Variants in CAMTA1 observed in about 807,000 individuals in gnomAD.
CAMTA1 encodes calmodulin-binding transcription activator 1.
Under a neutral mutation model 170.9 loss-of-function variants are expected in CAMTA1, and 27 were observed. That is an observed-to-expected ratio of 0.16 (90% CI 0.12 to 0.22). The LOEUF is 0.22. Ranked by LOEUF, CAMTA1 falls within the 10% of genes least tolerant of loss-of-function variation. The probability of loss-of-function intolerance (pLI) is 1.00; values close to 1 mark genes in which losing one functional copy is unlikely to be tolerated. For missense variants in CAMTA1, 1,619 were observed against 2,217.2 expected (o/e 0.73, Z 5.42); for synonymous variants, 833 against 891.5 (o/e 0.93, Z 1.17).
chr1:7,759,979 G>A (rs1028827251), intron 22 of CAMTA1, among the ~76,000 whole-genome samples: 6 of 152,264 alleles, frequency 3.9e-5, no homozygotes, highest in Middle Eastern at 3.4e-3. Context: ...TTCCCGATAC[G>A]AGACACTATT....
chr1:7,043,152 T>C (rs1704743233), intron 3 of CAMTA1, among the ~76,000 whole-genome samples: 1 of 152,214 alleles, frequency 6.6e-6, no homozygotes, highest in African/African-American at 2.4e-5. Flanking sequence ...CCAAGGCCGC[T>C]GGCACAGGCC....
chr1:6,788,660 T>C (rs1157653737), intron 1 of CAMTA1, among the ~76,000 whole-genome samples: 1 of 152,084 alleles, frequency 6.6e-6, no homozygotes, highest in Non-Finnish European at 1.5e-5. Flanking sequence ...TCATCCCGTT[T>C]CCAGTGGTGG....
intron 4 of CAMTA1, among the ~76,000 whole-genome samples, chr1:7,197,628 C>CCACA (rs3222484): frequency 0.05 from 5,488 of 109,746 alleles, 200 homozygotes; most frequent in East Asian, 0.18. Flanking sequence ...TTGTCCCCCA[C>CCACA]CACACACACA....
At chr1:6,998,453 C>T (rs368773031) in intron 3 of CAMTA1, among the ~76,000 whole-genome samples, 12 of 152,300 alleles carry the variant, frequency 7.9e-5, no homozygotes, top group Middle Eastern at 3.4e-3. Context: ...ACTCCCTCTG[C>T]GTCACATGTC....
Position 7,532,394 on chromosome 1 carries a change from C to T in CAMTA1, c.510+64493C>T, listed in dbSNP as rs186959799. Reference sequence around the variant, plus strand: ...ACAGCACACCGCAGCCTCCTGGGCTCAAGTGATCCTCCCACCTCAGCCTCC... The same window carrying T: ...ACAGCACACCGCAGCCTCCTGGGCTTAAGTGATCCTCCCACCTCAGCCTCC... On this transcript the variant is annotated intron_variant, in intron 6 of 22. Transcript: ENST00000303635. This position sits in a 1 kb window ranked among gnomAD's most constrained non-coding sequence, Gnocchi z 4.2. 6.1e-4 allele frequency among the ~76,000 whole-genome samples: 93 copies of T among 152,248 alleles called. No homozygotes were observed. Among genetic ancestry groups the T allele is most frequent in the Non-Finnish European group, 1.1e-3 (76 of 68,016 alleles).
At chr1:7,429,547 A>T (rs1238771258) in intron 5 of CAMTA1, among the ~76,000 whole-genome samples, 1 of 147,680 alleles carries the variant, frequency 6.8e-6, no homozygotes, top group Non-Finnish European at 1.5e-5. Context: ...GGTGATGATG[A>T]TGACAGTGAT....
intron 6 of CAMTA1, among the ~76,000 whole-genome samples, chr1:7,525,046 C>G (rs1011149896): frequency 1.3e-4 from 20 of 152,190 alleles, no homozygotes; most frequent in African/African-American, 4.8e-4. Context: ...TTGAGAAATG[C>G]AGTCTAACAC....
chr1:6,950,334 T>C (rs2149471959), intron 3 of CAMTA1, among the ~76,000 whole-genome samples: 1 of 152,272 alleles, frequency 6.6e-6, no homozygotes, highest in African/African-American at 2.4e-5. Context: ...GTGTGTGCTT[T>C]TGTTATATTT....
rs1369779757 is a variant in CAMTA1 at position 7,299,524 on chromosome 1, G to A, written c.438+49898G>A. On this transcript the variant is annotated intron_variant, in intron 5 of 22. Coordinates refer to ENST00000303635, the MANE Select transcript of CAMTA1 (RefSeq NM_015215.4). This position sits in a 1 kb window ranked among gnomAD's most constrained non-coding sequence, Gnocchi z 4.7. ...TCCTGCTGCTGCATGACTCAGACTC[G>A]GAGAGCTTCCAACCTCGCAATGAGC... Among the ~76,000 whole-genome samples, 1 of 152,192 alleles carries A rather than the reference G, an allele frequency of 6.6e-6. No individual in the cohort carries two copies. The highest frequency in any genetic ancestry group is 6.5e-5 in the Admixed American group (1 of 15,280).
intron 3 of CAMTA1, among the ~76,000 whole-genome samples, chr1:6,853,575 A>T (rs1661201270): frequency 6.6e-6 from 1 of 152,208 alleles, no homozygotes; most frequent in African/African-American, 2.4e-5. Context: ...TGTTAGATTT[A>T]AACTTAGTCT....
chr1:7,127,630 C>G (rs1195933418), intron 4 of CAMTA1, among the ~76,000 whole-genome samples: 1 of 152,156 alleles, frequency 6.6e-6, no homozygotes, highest in Non-Finnish European at 1.5e-5. Context: ...AAACTGACTC[C>G]GTGCCAAGCA....
intron 4 of CAMTA1, among the ~76,000 whole-genome samples, chr1:7,221,081 T>A (rs1178181250): frequency 2.0e-5 from 3 of 152,096 alleles, no homozygotes. Context: ...CCAGCACAGA[T>A]GAATGGCCCG....
chr1:7,615,132 C>T (rs6658290), intron 6 of CAMTA1, among the ~76,000 whole-genome samples: 2,961 of 152,366 alleles, frequency 0.019, 86 homozygotes, highest in Admixed American at 0.07. Flanking sequence ...CCTGGCCATG[C>T]ATCAGTTGCA....
At chr1:7,177,899 C>T (rs566227049) in intron 4 of CAMTA1, among the ~76,000 whole-genome samples, 1 of 150,974 alleles carries the variant, frequency 6.6e-6, no homozygotes, top group South Asian at 2.1e-4. Flanking sequence ...CACTGAGCCC[C>T]CTCCCTCAGG....
chr1:7,561,879 C>T lies in CAMTA1; in HGVS notation c.511-78521C>T, dbSNP rs965230123. On this transcript the variant is annotated intron_variant, in intron 6 of 22. Coordinates refer to ENST00000303635, the MANE Select transcript of CAMTA1 (RefSeq NM_015215.4). This position sits in a 1 kb window ranked among gnomAD's most constrained non-coding sequence, Gnocchi z 5.3. ...CGCCGGCCTGGAGGAGGAAGCCATC[C>T]TCGAGGCAGCCTTCACCAGCATGTG... Among the ~76,000 whole-genome samples the T allele has an allele frequency of 6.6e-6, 1 of 152,210 alleles. No homozygotes were observed. The highest frequency in any genetic ancestry group is 2.4e-5 in the African/African-American group (1 of 41,458).
intron 22 of CAMTA1, among the ~76,000 whole-genome samples, chr1:7,757,583 G>A (rs775971135): frequency 6.6e-6 from 1 of 151,930 alleles, no homozygotes. Flanking sequence ...CCTGGCCAAC[G>A]TGGTCAAACC....
At chr1:6,955,046 G>A (rs1689205432) in intron 3 of CAMTA1, among the ~76,000 whole-genome samples, 1 of 151,854 alleles carries the variant, frequency 6.6e-6, no homozygotes. Flanking sequence ...ATTTTTGTCT[G>A]CGGCTCTGGC....
chr1:7,281,056 A>G (rs1389365442), intron 5 of CAMTA1, among the ~76,000 whole-genome samples: 1 of 152,220 alleles, frequency 6.6e-6, no homozygotes, highest in East Asian at 1.9e-4. Context: ...TCTGCAGAAA[A>G]ATTATGAGCA....
intron 5 of CAMTA1, among the ~76,000 whole-genome samples, chr1:7,360,077 G>A (rs1250049715): frequency 4.6e-5 from 7 of 152,072 alleles, no homozygotes; most frequent in Admixed American, 6.5e-5. Context: ...TCATCTTCAC[G>A]TGGCATTCTC....
Sources: allele counts gnomAD v4.1 joint callset (sites outside exome capture counted in the v4.1 genomes callset), GRCh38; gene constraint gnomAD v4.1.1; non-coding constraint Gnocchi (gnomAD v3.1); transcripts MANE v1.5; gene names NCBI Gene and HGNC (gene_info 2026-07-23, HGNC 2026-07-21).